PAH: variants seen among roughly 807,000 people sequenced by gnomAD.
PAH encodes phenylalanine hydroxylase, also known as phenylalanine-4-hydroxylase.
PAH carries 64 observed loss-of-function variants against 62.0 expected under a neutral mutation model. The observed-to-expected ratio is 1.03, with a 90% CI of 0.84 to 1.27. PAH has a LOEUF of 1.27. Ranked by LOEUF, PAH falls within the 50% of genes most tolerant of loss-of-function variation. The probability of loss-of-function intolerance (pLI) is 0.00; values close to 1 mark genes in which losing one functional copy is unlikely to be tolerated. For synonymous variants in PAH, 195 were observed against 196.2 expected, an observed-to-expected ratio of 0.99 and a Z score of 0.05; for missense variants, 579 against 542.8, an observed-to-expected ratio of 1.07 and a Z score of -0.66.
At chr12:102,848,571 T>G (rs568320922) in intron 8 of PAH, among the ~76,000 whole-genome samples, 2 of 145,116 alleles carry the variant, frequency 1.4e-5, no homozygotes, top group East Asian at 2.0e-4. Context: ...CTGGAGAGGC[T>G]GAGTGTAGAC....
chr12:102,853,401 T>G, intron 6 of PAH: 1 of 274,718 alleles, frequency 3.6e-6, no homozygotes, highest in South Asian at 4.2e-5. Flanking sequence ...GCTTCTGTAC[T>G]GCACCTCACA....
intron 2 of PAH, among the ~76,000 whole-genome samples, chr12:102,911,896 A>T (rs1217470355): frequency 6.6e-6 from 1 of 152,254 alleles, no homozygotes; most frequent in Non-Finnish European, 1.5e-5. Flanking sequence ...GAATCTTAGC[A>T]TAAAGCAATG....
rs199475675 is a variant in PAH at position 102,852,856 on chromosome 12, C to T, written c.801G>A (p.Gln267=). The T allele has an allele frequency of 6.2e-7, 1 of 1,614,068 alleles. No homozygotes were observed. Among genetic ancestry groups the T allele is most frequent in the Non-Finnish European group, 8.5e-7 (1 of 1,180,002 alleles). ...GLAFRVFHCT[Q]YIRHGSKPMY... ...TGGGCTTGGATCCATGTCTGATGTA[C>T]TGTGTGCAGTGGAAGACTCGGAAGG... Residue 267 remains glutamine, a synonymous_variant, in exon 7 of 13, where the codon CAG becomes CAA. Transcript: ENST00000553106.
intron 11 of PAH, among the ~76,000 whole-genome samples, chr12:102,843,221 G>A (rs57989824): frequency 6.6e-6 from 1 of 152,176 alleles, no homozygotes; most frequent in African/African-American, 2.4e-5. Flanking sequence ...GCAGGGATGA[G>A]TAGAAATAAG....
intron 5 of PAH, among the ~76,000 whole-genome samples, chr12:102,856,585 G>T (rs1875443715): frequency 6.6e-6 from 1 of 152,332 alleles, no homozygotes; most frequent in African/African-American, 2.4e-5. Flanking sequence ...GCACCCCCCA[G>T]CAGGGGCAGA....
At chr12:102,929,339 C>T (rs934756151) in intron 1 of PAH, among the ~76,000 whole-genome samples, 2 of 152,030 alleles carry the variant, frequency 1.3e-5, no homozygotes, top group South Asian at 4.2e-4. Flanking sequence ...AGAACTTTTC[C>T]CTAGGAAGTT....
chr12:102,942,648 C>T (rs148668598), intron 1 of PAH, among the ~76,000 whole-genome samples: 1 of 152,216 alleles, frequency 6.6e-6, no homozygotes, highest in African/African-American at 2.4e-5. Context: ...AGGCATCACA[C>T]TACCCAACTT....
intron 3 of PAH, among the ~76,000 whole-genome samples, chr12:102,885,321 T>C (rs1213139938): frequency 2.0e-5 from 3 of 152,244 alleles, no homozygotes; most frequent in African/African-American, 7.2e-5. Context: ...AAATAGAGAC[T>C]GACCCCAGCG....
chr12:102,896,511 T>C (rs901740075), intron 2 of PAH, among the ~76,000 whole-genome samples: 2 of 152,164 alleles, frequency 1.3e-5, no homozygotes, highest in South Asian at 2.1e-4. Flanking sequence ...AGGGATAAGA[T>C]AGACCAAGCA....
At chr12:102,949,314 C>A (rs1025691318) in intron 1 of PAH, among the ~76,000 whole-genome samples, 1 of 152,158 alleles carries the variant, frequency 6.6e-6, no homozygotes. Context: ...CTGATGACAT[C>A]ATTTGCCTAA....
upstream of PAH, among the ~76,000 whole-genome samples, chr12:102,918,500 A>G (rs934395914): frequency 6.6e-6 from 1 of 152,022 alleles, no homozygotes; most frequent in African/African-American, 2.4e-5. Context: ...CAGGTTTAGG[A>G]TTCAAAACAA....
chr12:102,939,677 C>A (rs1381524236), intron 1 of PAH, among the ~76,000 whole-genome samples: 2 of 152,200 alleles, frequency 1.3e-5, no homozygotes, highest in African/African-American at 4.8e-5. Flanking sequence ...ATGCAGGGCC[C>A]CCAGTTTGGG....
At chr12:102,894,693 A>G in intron 3 of PAH, 42 bp downstream of exon 3, 1 of 1,372,068 alleles carries the variant, frequency 7.3e-7, no homozygotes, top group Non-Finnish European at 1.0e-6. Flanking sequence ...TTATGAAGAC[A>G]GTGTGGAGTT....
At chr12:102,944,352 C>A (rs1403922765) in intron 1 of PAH, among the ~76,000 whole-genome samples, 1 of 151,902 alleles carries the variant, frequency 6.6e-6, no homozygotes. Context: ...AACTTTCTAC[C>A]CCCATCTCTC....
At chr12:102,861,051 G>T (rs1875692260) in intron 5 of PAH, among the ~76,000 whole-genome samples, 1 of 152,096 alleles carries the variant, frequency 6.6e-6, no homozygotes, top group Non-Finnish European at 1.5e-5. Flanking sequence ...ACAGGCAACT[G>T]ACAGAATGGG....
intron 7 of PAH, chr12:102,852,380 C>T (rs1017249260): frequency 2.3e-4 from 54 of 234,720 alleles, no homozygotes; most frequent in African/African-American, 1.0e-3. Context: ...AAGGGGATAA[C>T]GAAACACCCA....
At chr12:102,956,415 C>T (rs934190047) in intron 1 of PAH, among the ~76,000 whole-genome samples, 1 of 152,172 alleles carries the variant, frequency 6.6e-6, no homozygotes, top group Non-Finnish European at 1.5e-5. Flanking sequence ...GCTGTCCAAG[C>T]GGTCGAGCGA....
intron 2 of PAH, among the ~76,000 whole-genome samples, 184 bp from the exon 3 acceptor site, chr12:102,895,102 C>A (rs1877446899): frequency 6.6e-6 from 1 of 152,028 alleles, no homozygotes; most frequent in African/African-American, 2.4e-5. Context: ...TCTTTAAAAC[C>A]AAGTACTAAG....
chr12:102,889,448 T>C (rs1378940527), intron 3 of PAH, among the ~76,000 whole-genome samples: 1 of 150,888 alleles, frequency 6.6e-6, no homozygotes, highest in Admixed American at 6.6e-5. Flanking sequence ...GATAGATAGA[T>C]AGATGATAGA....
Sources: gnomAD v4.1 joint callset for allele counts (sites outside exome capture counted in the v4.1 genomes callset) on GRCh38, gnomAD v4.1.1 for gene constraint, MANE v1.5 for transcripts, NCBI Gene and HGNC (gene_info 2026-07-23, HGNC 2026-07-21) for gene names.